The following DYNC2I1 variants were observed in gnomAD, a reference collection of about 807,000 sequenced individuals.
The protein encoded by DYNC2I1 is dynein 2 intermediate chain 1.
DYNC2I1 carries 89 observed loss-of-function variants against 133.4 expected under a neutral mutation model. The ratio of observed to expected loss-of-function variants is 0.67; its 90% CI spans 0.56 to 0.80. The LOEUF is 0.80. Ranked by LOEUF, DYNC2I1 falls within the 30% of genes least tolerant of loss-of-function variation. The pLI is 0.00. For missense variants in DYNC2I1, 1,291 were observed against 1,314.5 expected, an observed-to-expected ratio of 0.98 and a Z score of 0.28; for synonymous variants, 504 against 484.3, an observed-to-expected ratio of 1.04 and a Z score of -0.54.
intron 5 of DYNC2I1, among the ~76,000 whole-genome samples, chr7:158,882,935 G>A (rs1229134386): frequency 6.6e-6 from 1 of 151,672 alleles, no homozygotes; most frequent in Non-Finnish European, 1.5e-5. Context: ...CAGGAATGGG[G>A]ATCGAGCATT....
At chr7:158,892,833 C>T (rs1021148638) in intron 8 of DYNC2I1, among the ~76,000 whole-genome samples, 2 of 150,900 alleles carry the variant, frequency 1.3e-5, no homozygotes, top group Non-Finnish European at 2.9e-5. Context: ...CCCAGCTGCT[C>T]AGGAGGCTGA....
At chr7:158,888,212 A>T (rs1844804490) in intron 7 of DYNC2I1, among the ~76,000 whole-genome samples, 1 of 151,586 alleles carries the variant, frequency 6.6e-6, no homozygotes, top group Non-Finnish European at 1.5e-5. Context: ...TATAGTAGAG[A>T]TGGGGTTTCA....
chr7:158,839,793 C>G, the DYNC2I1 span, among the ~76,000 whole-genome samples: 1 of 150,824 alleles, frequency 6.6e-6, no homozygotes, highest in African/African-American at 2.4e-5. Context: ...GCACTCCAGC[C>G]TGGGGGACAG....
At chr7:158,884,831 G>A (rs752868064) in intron 6 of DYNC2I1, among the ~76,000 whole-genome samples, 1 of 152,192 alleles carries the variant, frequency 6.6e-6, no homozygotes, top group South Asian at 2.1e-4. Context: ...TATATTATTA[G>A]CTTTCTTTGG....
chr7:158,857,777 C>G (rs1432279512), intron 1 of DYNC2I1, among the ~76,000 whole-genome samples: 1 of 141,030 alleles, frequency 7.1e-6, no homozygotes, highest in African/African-American at 2.9e-5. Flanking sequence ...ACTTCGTGAG[C>G]CACTGCACCC....
At chr7:158,935,597 G>A (rs1252522397) in intron 23 of DYNC2I1, among the ~76,000 whole-genome samples, 6 of 152,090 alleles carry the variant, frequency 3.9e-5, no homozygotes, top group Admixed American at 3.3e-4. Context: ...GGTTGCTGAG[G>A]GCAGAGATGG....
chr7:158,936,305 G>A (rs372332880), intron 23 of DYNC2I1, among the ~76,000 whole-genome samples: 1 of 147,098 alleles, frequency 6.8e-6, no homozygotes, highest in Non-Finnish European at 1.5e-5. Context: ...CAAATACATA[G>A]CACCAAGATC....
intron 11 of DYNC2I1, among the ~76,000 whole-genome samples, chr7:158,910,465 C>T (rs758781178): frequency 1.7e-4 from 26 of 150,490 alleles, no homozygotes; most frequent in Non-Finnish European, 3.4e-4. Context: ...TATGTCAGGC[C>T]TGTGGGCCGA....
chr7:158,894,112 T>TATCCTACC (rs1563126231), intron 8 of DYNC2I1, among the ~76,000 whole-genome samples: 2 of 48,632 alleles, frequency 4.1e-5, no homozygotes, highest in African/African-American at 1.1e-4. Flanking sequence ...CATATCCTAC[T>TATCCTACC]GCATATCCTA....
intron 5 of DYNC2I1, among the ~76,000 whole-genome samples, chr7:158,883,383 T>TTA (rs1844249144): frequency 9.7e-6 from 1 of 103,088 alleles, no homozygotes; most frequent in Non-Finnish European, 2.4e-5. Flanking sequence ...CTTATTATTA[T>TTA]TTTTTTTTTT....
At chr7:158,908,534 G>A (rs1481327565) in intron 11 of DYNC2I1, among the ~76,000 whole-genome samples, 2 of 152,146 alleles carry the variant, frequency 1.3e-5, no homozygotes, top group African/African-American at 4.8e-5. Flanking sequence ...AATTTAATAA[G>A]CAAAGTTAAA....
At chr7:158,955,037 G>A (rs1334062670) in intron 4 of DYNC2I1, among the ~76,000 whole-genome samples, 1 of 152,178 alleles carries the variant, frequency 6.6e-6, no homozygotes, top group Non-Finnish European at 1.5e-5. Context: ...GTATTTTGGG[G>A]TGAGTCTGGA....
At chr7:158,844,846 C>G in the DYNC2I1 span, among the ~76,000 whole-genome samples, 1 of 152,132 alleles carries the variant, frequency 6.6e-6, no homozygotes, top group Non-Finnish European at 1.5e-5. Context: ...GTCTCGAACT[C>G]CCGACCTCAG....
In DYNC2I1 at chr7:158,939,738, T is replaced by A. The variant is rs535297616; in HGVS notation, c.2779-2187T>A. On this transcript the variant is annotated intron_variant, in intron 23 of 24. Coordinates refer to ENST00000407559, the MANE Select transcript of DYNC2I1 (RefSeq NM_018051.5). ...CTGCTCTCAAGAAATTCACTTCACC[T>A]ATAAAGACACACTCATACTAAAAGG... Among the ~76,000 whole-genome samples the A allele has an allele frequency of 2.0e-5, 3 of 152,264 alleles. No homozygotes were observed. The East Asian group carries it at 5.8e-4, about 29-fold the overall frequency.
At chr7:158,919,206 G>A (rs1170449270) in intron 15 of DYNC2I1, among the ~76,000 whole-genome samples, 1 of 152,216 alleles carries the variant, frequency 6.6e-6, no homozygotes, top group African/African-American at 2.4e-5. Flanking sequence ...CTTTTCTTGA[G>A]ATAGAGTAGT....
At chr7:158,922,602 G>C in intron 16 of DYNC2I1, 53 bp downstream of exon 16, 1 of 1,556,428 alleles carries the variant, frequency 6.4e-7, no homozygotes, top group Non-Finnish European at 8.8e-7. Flanking sequence ...GCAGTGGACA[G>C]AGCGTGAAGG....
Position 158,923,627 on chromosome 7 carries a change from G to A in DYNC2I1, c.2151G>A (p.Ala717=), listed in dbSNP as rs375125159. The A allele has an allele frequency of 1.6e-4, 264 of 1,613,970 alleles. No individual in the cohort carries two copies. The highest frequency in any genetic ancestry group is 2.2e-4 in the East Asian group (10 of 44,880). The change falls in exon 17 of 25, where the codon GCG becomes GCA. Residue 717 remains alanine, a synonymous_variant. Transcript: ENST00000407559. The stretch of plus-strand genomic sequence containing the variant: ...CATTTTTACTGTTTGCCGGAACAGC[G>A]CACGGCTCAGTTGTCGTCTGGGATT... ...LKAFLLFAGT[A]HGSVVVWDLR... is the part of the protein sequence containing the mutation.
chr7:158,947,534 T>C (rs1008396645), downstream of DYNC2I1, among the ~76,000 whole-genome samples: 8 of 152,232 alleles, frequency 5.3e-5, no homozygotes, highest in Admixed American at 3.9e-4. Flanking sequence ...GGCAGTCTGC[T>C]TGGGCTCAGG....
chr7:158,903,831 C>A (rs1004465980), intron 10 of DYNC2I1: 3 of 152,170 alleles, frequency 2.0e-5, no homozygotes, highest in Non-Finnish European at 4.4e-5. Flanking sequence ...CTTAGCAGAT[C>A]TTTGAATAAC....
Sources: gnomAD v4.1 joint callset for allele counts (sites outside exome capture counted in the v4.1 genomes callset) on GRCh38, gnomAD v4.1.1 for gene constraint, MANE v1.5 for transcripts, NCBI Gene and HGNC (gene_info 2026-07-23, HGNC 2026-07-21) for gene names.